The following ABHD17C variants were observed in gnomAD, a reference collection of about 807,000 sequenced individuals.
ABHD17C encodes the protein alpha/beta hydrolase domain-containing protein 17C.
Under a neutral mutation model 27.9 loss-of-function variants are expected in ABHD17C, and 11 were observed. The ratio of observed to expected loss-of-function variants is 0.39; its 90% confidence interval spans 0.25 to 0.65. ABHD17C has a LOEUF of 0.65. Among genes scored for constraint, ABHD17C ranks in the 30% least tolerant of loss-of-function variants. ABHD17C has a pLI of 0.45. For missense variants in ABHD17C, 280 were observed against 470.2 expected, an observed-to-expected ratio of 0.60 and a Z score of 3.74; for synonymous variants, 233 against 209.1, an observed-to-expected ratio of 1.11 and a Z score of -0.98.
At chr15:80,729,732 C>T (rs891539830) in intron 1 of ABHD17C, among the ~76,000 whole-genome samples, 6 of 152,108 alleles carry the variant, frequency 3.9e-5, no homozygotes, top group Non-Finnish European at 8.8e-5. Context: ...GGAACTTGCA[C>T]GTTTGATATG....
intron 1 of ABHD17C, among the ~76,000 whole-genome samples, chr15:80,721,315 C>T (rs752892690): frequency 1.5e-4 from 22 of 151,304 alleles, no homozygotes; most frequent in African/African-American, 5.4e-4. Flanking sequence ...TTTTTTTAAG[C>T]CCTATATGCT....
At chr15:80,709,347 G>T (rs1894696577) in intron 1 of ABHD17C, among the ~76,000 whole-genome samples, 1 of 151,832 alleles carries the variant, frequency 6.6e-6, no homozygotes, top group Non-Finnish European at 1.5e-5. Flanking sequence ...AAATTAGCCA[G>T]GTGTCGTAGT....
chr15:80,700,132 A>C (rs901286489), intron 1 of ABHD17C, among the ~76,000 whole-genome samples: 2 of 152,194 alleles, frequency 1.3e-5, no homozygotes, highest in Non-Finnish European at 2.9e-5. Flanking sequence ...AGGCAGATTC[A>C]GCCTCCTCAA....
rs10572505 is a variant in ABHD17C at position 80,726,501 on chromosome 15, G to GTT, written c.591-22985_591-22984dup. On this transcript the variant is annotated intron_variant, in intron 1 of 2. Coordinates refer to ENST00000258884, the MANE Select transcript of ABHD17C (RefSeq NM_021214.2). ...CCTTGGTTAATTGCTTCTTTTTCTG[G>GTT]TTTTTTTTTTTTTTTTTTTTTTTTT... 1.2e-3 allele frequency among the ~76,000 whole-genome samples: 118 copies of GTT among 94,492 alleles called. 15 individuals carry two copies. The highest frequency in any genetic ancestry group is 5.2e-3 in the African/African-American group (98 of 18,708). The allele number at this position is 94,492 out of a possible 152,430, so 62.0% of individuals were successfully genotyped here.
chr15:80,704,849 A>G (rs1894622918), intron 1 of ABHD17C: 1 of 152,266 alleles, frequency 6.6e-6, no homozygotes, highest in Non-Finnish European at 1.5e-5. Flanking sequence ...AAACCAGGTC[A>G]GTAGAGTGGT....
In ABHD17C at chr15:80,754,689, A is replaced by G; in HGVS notation, c.*319A>G. ...CATCTGTTTCTCAACCTTATCCATC[A>G]TTTCTGACATTCATGCAGGACTTGC... On this transcript the variant is annotated 3_prime_UTR_variant, in exon 3 of 3. Transcript: ENST00000258884. 1 of 223,986 alleles carries G rather than the reference A, an allele frequency of 4.5e-6. No individual in the cohort carries two copies. The highest frequency in any genetic ancestry group is 8.8e-6 in the Non-Finnish European group (1 of 113,296). 13.9% of individuals were successfully genotyped at this position (223,986 alleles called of 1,614,324 possible).
At chr15:80,733,424 G>A (rs1453810261) in intron 1 of ABHD17C, among the ~76,000 whole-genome samples, 1 of 152,136 alleles carries the variant, frequency 6.6e-6, no homozygotes, top group Non-Finnish European at 1.5e-5. Context: ...GGGGAGGACT[G>A]GGATTGACCA....
At chr15:80,725,068 G>A (rs986961881) in intron 1 of ABHD17C, among the ~76,000 whole-genome samples, 5 of 152,208 alleles carry the variant, frequency 3.3e-5, no homozygotes, top group African/African-American at 1.2e-4. Flanking sequence ...CAGGGAAGAG[G>A]CACGAAGACA....
rs898513901 is a variant in ABHD17C, at chr15:80,746,437, C to CT, written c.591-3066dup. Among the ~76,000 whole-genome samples the CT allele has an allele frequency of 3.2e-3, 480 of 148,236 alleles. 2 individuals carry two copies. Among genetic ancestry groups the CT allele is most frequent in the African/African-American group, 0.011 (438 of 40,456 alleles). Reference sequence around the variant, plus strand: ...TTGATTTTAATGTAATACTTTCTGTCTTTTTTTTTTCTTTATGACTAGTGC... The same window carrying CT: ...TTGATTTTAATGTAATACTTTCTGTCTTTTTTTTTTTCTTTATGACTAGTGC... On this transcript the variant is annotated intron_variant, in intron 1 of 2. Transcript: ENST00000258884.
chr15:80,753,190 TATATAA>T (rs1193981014), intron 2 of ABHD17C, among the ~76,000 whole-genome samples: 1 of 151,736 alleles, frequency 6.6e-6, no homozygotes, highest in Admixed American at 6.6e-5. Flanking sequence ...TGAAAAATAA[TATATAA>T]ATATAAAAAA....
At chr15:80,720,770 A>G (rs2141502589) in intron 1 of ABHD17C, among the ~76,000 whole-genome samples, 1 of 151,988 alleles carries the variant, frequency 6.6e-6, no homozygotes, top group East Asian at 1.9e-4. Flanking sequence ...AAAATACAAA[A>G]ATTAGCCAGG....
chr15:80,754,564 T>A lies in ABHD17C; in HGVS notation c.*194T>A. On this transcript the variant is annotated 3_prime_UTR_variant, in exon 3 of 3. Transcript: ENST00000258884. Reference sequence around the variant, plus strand: ...GGTTCTGCTAATTCACACAACACGTTAAACTGAACAGTCGTGATTCCCAGC... The same window carrying A: ...GGTTCTGCTAATTCACACAACACGTAAAACTGAACAGTCGTGATTCCCAGC... 1.7e-6 allele frequency: 1 copy of A among 574,698 alleles called. No individual in the cohort carries two copies. The highest frequency in any genetic ancestry group is 3.1e-6 in the Non-Finnish European group (1 of 324,016). 35.6% of individuals were successfully genotyped at this position (574,698 alleles called of 1,614,324 possible). A position where few individuals can be genotyped will look rare whatever the true frequency, so the allele number is the denominator to read the frequency against.
intron 1 of ABHD17C, among the ~76,000 whole-genome samples, chr15:80,732,750 T>C (rs1895074567): frequency 6.6e-6 from 1 of 152,176 alleles, no homozygotes. Flanking sequence ...GCGGAAAGTG[T>C]CTGTTTAACA....
intron 1 of ABHD17C, among the ~76,000 whole-genome samples, chr15:80,712,790 A>C (rs1165758717): frequency 1.3e-5 from 2 of 152,212 alleles, no homozygotes; most frequent in Non-Finnish European, 2.9e-5. Flanking sequence ...TGCAGAATTC[A>C]AACAATTTTT....
At chr15:80,741,366 G>A (rs1312684051) in intron 1 of ABHD17C, among the ~76,000 whole-genome samples, 3 of 151,780 alleles carry the variant, frequency 2.0e-5, no homozygotes, top group African/African-American at 4.8e-5. Flanking sequence ...TTTTTTCTTC[G>A]TAATTTCACA....
At chr15:80,732,569 G>T (rs571096700) in intron 1 of ABHD17C, among the ~76,000 whole-genome samples, 31 of 152,200 alleles carry the variant, frequency 2.0e-4, no homozygotes, top group Admixed American at 1.9e-3. Flanking sequence ...TTTTAAAAAG[G>T]ACGGGGTGGG....
chr15:80,723,976 G>A (rs1894936527), intron 1 of ABHD17C, among the ~76,000 whole-genome samples: 1 of 152,176 alleles, frequency 6.6e-6, no homozygotes, highest in South Asian at 2.1e-4. Context: ...GCTGAGGCGG[G>A]TGGATCACTT....
chr15:80,742,123 G>C (rs959287015), intron 1 of ABHD17C, among the ~76,000 whole-genome samples: 1 of 152,164 alleles, frequency 6.6e-6, no homozygotes, highest in South Asian at 2.1e-4. Flanking sequence ...GAATCTGGTG[G>C]GGGGACTCTA....
intron 1 of ABHD17C, among the ~76,000 whole-genome samples, chr15:80,734,691 G>C (rs528401556): frequency 2.6e-5 from 4 of 152,310 alleles, no homozygotes; most frequent in African/African-American, 9.6e-5. Flanking sequence ...GAATAGTCTT[G>C]AATGTCATAA....
Sources: allele counts gnomAD v4.1 joint callset (sites outside exome capture counted in the v4.1 genomes callset), GRCh38; gene constraint gnomAD v4.1.1; transcripts MANE v1.5; gene names NCBI Gene and HGNC (gene_info 2026-07-23, HGNC 2026-07-21).